Variants in ID3 observed in about 807,000 individuals in gnomAD.
ID3 encodes inhibitor of DNA binding 3.
ID3 carries 4 observed loss-of-function variants against 9.6 expected under a neutral mutation model. That is an observed-to-expected ratio of 0.42 (90% CI 0.21 to 0.96). The LOEUF (loss-of-function observed/expected upper bound fraction) is 0.96. Among genes scored for constraint, ID3 ranks in the 40% least tolerant of loss-of-function variants. The pLI is 0.30. For missense variants in ID3, 191 were observed against 164.5 expected, an observed-to-expected ratio of 1.16 and a Z score of -0.88; for synonymous variants, 108 against 75.2, an observed-to-expected ratio of 1.44 and a Z score of -2.26.
intron 2 of ID3, 60 bp from the exon 3 acceptor site, chr1:23,558,475 G>C (rs565977753): frequency 6.5e-6 from 1 of 154,988 alleles, no homozygotes; most frequent in Non-Finnish European, 1.4e-5. Context: ...GTGCCGAGGC[G>C]GGGGCCGTCC....
intron 2 of ID3, 170 bp downstream of exon 2, chr1:23,558,765 A>G: frequency 1.7e-6 from 1 of 601,028 alleles, no homozygotes; most frequent in Non-Finnish European, 3.0e-6. Flanking sequence ...GCTTAAATGC[A>G]CATCACATGG....
chr1:23,559,097 G>C, intron 1 of ID3, 30 bp downstream of exon 1: 1 of 1,613,022 alleles, frequency 6.2e-7, no homozygotes, highest in Non-Finnish European at 8.5e-7. Context: ...TTGCCTGGGT[G>C]TTCAGCCCTG....
intron 1 of ID3, 25 bp downstream of exon 1, chr1:23,559,102 G>C (rs1333607049): frequency 1.9e-6 from 3 of 1,613,456 alleles, no homozygotes; most frequent in Non-Finnish European, 2.5e-6. Context: ...TGGGTGTTCA[G>C]CCCTGTCCCG....
In ID3 at chr1:23,559,354, C is replaced by T. The variant is rs201368186; in HGVS notation, c.73G>A (p.Ala25Thr). The T allele has an allele frequency of 1.7e-5, 27 of 1,613,270 alleles. No individual in the cohort carries two copies. Among genetic ancestry groups the T allele is most frequent in the Middle Eastern group, 3.3e-4 (2 of 6,084 alleles). Residue 25 changes from alanine to threonine, a missense_variant, in exon 1 of 3, where the codon GCC becomes ACC. Ala to Thr is a moderately conservative substitution (Grantham distance 58, BLOSUM62 0). Transcript: ENST00000374561. ...GCCGGGCCCTTCCCTCGGCCCCGGG[C>T]GATGGCCAGACTGCGTTCCGACAGG... Reference protein sequence around the residue: ...CCLSERSLAIARGRGKGPAAE... With the variant: ...CCLSERSLAITRGRGKGPAAE...
At position 23,558,887 on chromosome 1, in the gene ID3, C is replaced by G. The variant is rs1009074773; in HGVS notation, c.*25+48G>C. 62 of 1,344,448 alleles carry G rather than the reference C, an allele frequency of 4.6e-5. No homozygotes were observed. The South Asian group carries it at 7.5e-4, about 16-fold the overall frequency. The allele number at this position is 1,344,448 out of a possible 1,614,324, so 83.3% of individuals were successfully genotyped here. ...CAATTTTTCAAAACGTCTGCCAACT[C>G]CAGGACTTGCCGTTTAAACCTCCCT... On this transcript the variant is annotated intron_variant, in intron 2 of 2. Coordinates refer to ENST00000374561, the MANE Select transcript of ID3 (RefSeq NM_002167.5).
rs1416618349 is a variant in ID3, at chr1:23,559,297, T to G, written c.130A>C (p.Met44Leu). The G allele has an allele frequency of 6.2e-7, 1 of 1,613,914 alleles. No individual in the cohort carries two copies. The highest frequency in any genetic ancestry group is 8.5e-7 in the Non-Finnish European group (1 of 1,180,032). ...CGCAGGCGGGAGTAGCAGTGGTTCA[T>G]GTCGTCCAGCAAGCTCAGCGGCTCC... is the stretch of plus-strand genomic sequence containing the variant. Reference protein sequence around the residue: ...AEEPLSLLDDMNHCYSRLREL... With the variant: ...AEEPLSLLDDLNHCYSRLREL... Residue 44 changes from methionine to leucine, a missense_variant, in exon 1 of 3, where the codon ATG (methionine) becomes CTG (leucine). Transcript: ENST00000374561.
intron 2 of ID3, 56 bp downstream of exon 2, chr1:23,558,879 T>C: frequency 2.4e-6 from 3 of 1,234,862 alleles, no homozygotes; most frequent in Non-Finnish European, 3.5e-6. Flanking sequence ...TCAAAACGTC[T>C]GCCAACTCCA....
rs1313969103 is a variant in ID3, at chr1:23,558,286, G to A, written c.*155C>T. The stretch of plus-strand genomic sequence containing the variant: ...ACAGTCCTTCGCTCCTGAGCACCAG[G>A]TTTAGTCTCCAGGAAGGGATTTGGT... On this transcript the variant is annotated 3_prime_UTR_variant, in exon 3 of 3. Transcript: ENST00000374561. The A allele has an allele frequency of 1.3e-5, 2 of 152,628 alleles. No individual in the cohort carries two copies. The highest frequency in any genetic ancestry group is 2.9e-5 in the Non-Finnish European group (2 of 68,260). 9.5% of individuals were successfully genotyped at this position (152,628 alleles called of 1,614,324 possible). A position where few individuals can be genotyped will look rare whatever the true frequency, so the allele number is the denominator to read the frequency against.
chr1:23,559,472 A>G lies in ID3; in HGVS notation c.-46T>C. On this transcript the variant is annotated 5_prime_UTR_variant, in exon 1 of 3. Coordinates refer to ENST00000374561, the MANE Select transcript of ID3 (RefSeq NM_002167.5). ...GTGCCCCAAAGAGAAAGAAAACCAA[A>G]AGAAGTCCCGCTACAGTGACCTGCA... The G allele has an allele frequency of 6.3e-7, 1 of 1,579,584 alleles. No homozygotes were observed.
Position 23,559,496 on chromosome 1 carries a change from CA to C in ID3, c.-71del, listed in dbSNP as rs1368440619. ...AAAGAAGTCCCGCTACAGTGACCTG[CA>C]ACGCGCGCACGCTCGCCGCGGCGGT... On this transcript the variant is annotated 5_prime_UTR_variant, in exon 1 of 3. Coordinates refer to ENST00000374561, the MANE Select transcript of ID3 (RefSeq NM_002167.5). The C allele has an allele frequency of 1.3e-6, 2 of 1,498,254 alleles. No individual in the cohort carries two copies. The highest frequency in any genetic ancestry group is 2.8e-5 in the African/African-American group (2 of 71,616). The allele number at this position is 1,498,254 out of a possible 1,614,324, so 92.8% of individuals were successfully genotyped here.
At chr1:23,559,053 G>A in intron 1 of ID3, 34 bp from the exon 2 acceptor site, 1 of 1,612,988 alleles carries the variant, frequency 6.2e-7, no homozygotes, top group Non-Finnish European at 8.5e-7. Context: ...AGTTACGCGA[G>A]GCAATCGGGA....
In ID3 at chr1:23,558,989, A is replaced by C. The variant is rs11542317; in HGVS notation, c.331T>G (p.Ser111Ala). 11,726 of 1,614,140 alleles carry C rather than the reference A, an allele frequency of 7.3e-3. 674 individuals carry two copies. In the African/African-American group the frequency reaches 0.14, roughly 19 times the overall value. Residue 111 changes from serine to alanine, a missense_variant, in exon 2 of 3, where the codon TCC becomes GCC. By Grantham distance (99) the Ser-to-Ala change is moderately conservative (BLOSUM62 1). Coordinates refer to ENST00000374561, the MANE Select transcript of ID3 (RefSeq NM_002167.5). ...TGGCAAAAGCTCCTTTTGTCGTTGG[A>C]GATGACAAGTTCCGGAGTGAGCTCG... ...TAELTPELVI[S>A]NDKRSFCH
rs753832107 is a variant in ID3 at position 23,559,301 on chromosome 1, G to C, written c.126C>G (p.Asp42Glu). 1 of 1,613,982 alleles carries C rather than the reference G, an allele frequency of 6.2e-7. No homozygotes were observed. The highest frequency in any genetic ancestry group is 2.2e-5 in the East Asian group (1 of 44,882). The change falls in exon 1 of 3, where the codon GAC (aspartate) becomes GAG (glutamate). Residue 42 changes from aspartate (D) to glutamate (E), a missense_variant. Transcript: ENST00000374561. ...PAAEEPLSLL[D>E]DMNHCYSRLR... ...GGCGGGAGTAGCAGTGGTTCATGTC[G>C]TCCAGCAAGCTCAGCGGCTCCTCAG...
At chr1:23,558,893 C>T in intron 2 of ID3, 42 bp downstream of exon 2, 2 of 1,393,864 alleles carry the variant, frequency 1.4e-6, no homozygotes, top group Non-Finnish European at 1.0e-6. Flanking sequence ...AACTCCAGGA[C>T]TTGCCGTTTA....
intron 1 of ID3, 31 bp from the exon 2 acceptor site, chr1:23,559,050 C>CGAG: frequency 6.2e-7 from 1 of 1,613,228 alleles, no homozygotes; most frequent in Non-Finnish European, 8.5e-7. Context: ...AAGAGTTACG[C>CGAG]GAGGCAATCG....
chr1:23,559,187 C>T lies in ID3; in HGVS notation c.240G>A (p.Leu80=), dbSNP rs910526315. The T allele has an allele frequency of 1.9e-6, 3 of 1,614,198 alleles. No homozygotes were observed. Among genetic ancestry groups the T allele is most frequent in the Admixed American group, 3.3e-5 (2 of 60,026 alleles). Reference sequence around the variant, plus strand: ...GGGCTGGCTCGGCCAGGACTACCTGCAGGTCGAGAATGTAGTCGATGACGC... The same window carrying T: ...GGGCTGGCTCGGCCAGGACTACCTGTAGGTCGAGAATGTAGTCGATGACGC... ...LQRVIDYILD[L]QVVLAEPAPG... The change falls in exon 1 of 3, where the codon CTG becomes CTA. Residue 80 remains leucine, a synonymous_variant. Transcript: ENST00000374561.
rs758232318 is a variant in ID3 at position 23,558,948 on chromosome 1, G to A, written c.*12C>T. The A allele has an allele frequency of 9.3e-6, 15 of 1,612,462 alleles. No homozygotes were observed. On this transcript the variant is annotated 3_prime_UTR_variant, in exon 2 of 3. Coordinates refer to ENST00000374561, the MANE Select transcript of ID3 (RefSeq NM_002167.5). The stretch of plus-strand genomic sequence containing the variant: ...GGAGATACTCACCTGGAGGTGTCAG[G>A]ACACGGCCGAGTCAGTGGCAAAAGC...
intron 2 of ID3, 22 bp downstream of exon 2, chr1:23,558,913 C>A (rs780016646): frequency 6.4e-7 from 1 of 1,556,950 alleles, no homozygotes; most frequent in Admixed American, 1.7e-5. Context: ...AAACCTCCCT[C>A]TCCAAGAGAG....
At chr1:23,559,064 G>T in intron 1 of ID3, 45 bp from the exon 2 acceptor site, 1 of 1,611,492 alleles carries the variant, frequency 6.2e-7, no homozygotes, top group Non-Finnish European at 8.5e-7. Flanking sequence ...GCAATCGGGA[G>T]CTCCGAGGGT....
Sources: gnomAD v4.1 joint callset for allele counts on GRCh38, gnomAD v4.1.1 for gene constraint, MANE v1.5 for transcripts, NCBI Gene and HGNC (gene_info 2026-07-23, HGNC 2026-07-21) for gene names.